Variants in RP1 observed in about 807,000 individuals in gnomAD.
RP1 encodes RP1 axonemal microtubule associated.
In RP1, 16 loss-of-function variants were observed where a neutral mutation model predicts 14.8. That is an observed-to-expected ratio of 1.08 (90% CI 0.73 to 1.65). RP1 has a LOEUF of 1.65. RP1 is among the 40% of genes most tolerant of loss of function. The pLI is 0.00. For synonymous variants in RP1, 876 were observed against 883.6 expected (o/e 0.99, Z 0.15); for missense variants, 2,631 against 2,535.0 (o/e 1.04, Z -0.81).
intron 24 of RP1, among the ~76,000 whole-genome samples, chr8:54,809,228 T>A (rs1232772670): frequency 3.3e-5 from 5 of 152,220 alleles, no homozygotes; most frequent in Non-Finnish European, 7.3e-5. Flanking sequence ...TAAAGTTTAG[T>A]TGTACATATA....
At chr8:54,682,656 T>TC (rs1807463920) in intron 12 of RP1, among the ~76,000 whole-genome samples, 1 of 152,164 alleles carries the variant, frequency 6.6e-6, no homozygotes, top group Non-Finnish European at 1.5e-5. Context: ...GGTTTTTTTT[T>TC]CTTGTAAATT....
intron 23 of RP1, chr8:54,780,883 T>C (rs1810169822): frequency 1.0e-6 from 1 of 980,608 alleles, no homozygotes; most frequent in Non-Finnish European, 1.2e-6. Context: ...ATATACTGAT[T>C]GCACGTGGTT....
intron 17 of RP1, chr8:54,726,523 T>A: frequency 6.7e-7 from 1 of 1,498,208 alleles, no homozygotes; most frequent in Non-Finnish European, 8.8e-7. Flanking sequence ...TTTGCTGCAT[T>A]ATTTCTTCCT....
chr8:54,759,372 G>A (rs1171147282), intron 22 of RP1, among the ~76,000 whole-genome samples: 1 of 152,126 alleles, frequency 6.6e-6, no homozygotes, highest in African/African-American at 2.4e-5. Context: ...GAGAATATTT[G>A]TTTAACTGTT....
intron 1 of RP1, among the ~76,000 whole-genome samples, chr8:54,601,608 A>T (rs1433829486): frequency 1.3e-5 from 2 of 151,880 alleles, no homozygotes; most frequent in East Asian, 3.8e-4. Flanking sequence ...GAAAAAAAAA[A>T]AAAAGAAAGA....
chr8:54,770,968 T>A (rs574783247), downstream of RP1, among the ~76,000 whole-genome samples: 1 of 151,996 alleles, frequency 6.6e-6, no homozygotes, highest in Non-Finnish European at 1.5e-5. Flanking sequence ...CACATCTCTA[T>A]GTTTTCAAAA....
rs1425869222 is a variant in RP1, at chr8:54,701,642, G to T, written c.1978G>T (p.Glu660Ter). Reference sequence around the variant, plus strand: ...AGCAGGCTATGCAAATCTTTCAAAAGAATTTGTGATTTTTGTCAAGGTAAA... The same window carrying T: ...AGCAGGCTATGCAAATCTTTCAAAATAATTTGTGATTTTTGTCAAGGTAAA... Residue 660 changes from glutamate to a stop codon, truncating the protein, a stop_gained, in exon 14 of 23, where the codon GAA (glutamate) becomes TAA (stop). Coordinates refer to the RP1 transcript ENST00000636932. LOFTEE classifies it high-confidence loss of function. The T allele has an allele frequency of 6.5e-7, 1 of 1,534,348 alleles. No individual in the cohort carries two copies. Among genetic ancestry groups the T allele is most frequent in the Non-Finnish European group, 8.7e-7 (1 of 1,146,260 alleles).
intron 24 of RP1, among the ~76,000 whole-genome samples, chr8:54,808,824 A>G (rs1810919422): frequency 6.6e-6 from 1 of 152,194 alleles, no homozygotes; most frequent in South Asian, 2.1e-4. Context: ...AACTCTGACT[A>G]CTATGTTACT....
At chr8:54,614,604 G>T (rs1043772787), upstream of RP1, among the ~76,000 whole-genome samples, 1 of 152,212 alleles carries the variant, frequency 6.6e-6, no homozygotes, top group Non-Finnish European at 1.5e-5. Flanking sequence ...AGCTCGACTG[G>T]ATAACAGGGA....
intron 12 of RP1, among the ~76,000 whole-genome samples, chr8:54,681,091 T>C (rs1174377858): frequency 6.6e-6 from 1 of 152,196 alleles, no homozygotes; most frequent in African/African-American, 2.4e-5. Context: ...AGATTACTTA[T>C]CCACTTAAAT....
chr8:54,844,203 C>T (rs1246480003), intron 25 of RP1, among the ~76,000 whole-genome samples: 1 of 152,138 alleles, frequency 6.6e-6, no homozygotes, highest in Non-Finnish European at 1.5e-5. Flanking sequence ...GTTGGAAGCC[C>T]GGGTGGCCCA....
At chr8:54,612,924 C>T (rs1046971611), upstream of RP1, among the ~76,000 whole-genome samples, 1 of 152,220 alleles carries the variant, frequency 6.6e-6, no homozygotes, top group East Asian at 1.9e-4. Flanking sequence ...ACCTCTACCA[C>T]TGCCACTCCT....
intron 27 of RP1, among the ~76,000 whole-genome samples, chr8:54,860,841 T>A (rs904413530): frequency 2.0e-5 from 3 of 152,182 alleles, no homozygotes; most frequent in Non-Finnish European, 2.9e-5. Context: ...AGTGCTATTG[T>A]CCATTTGACA....
intron 4 of RP1, among the ~76,000 whole-genome samples, chr8:54,649,564 G>A (rs759403154): frequency 6.6e-6 from 1 of 152,214 alleles, no homozygotes; most frequent in Non-Finnish European, 1.5e-5. Flanking sequence ...GACACATGGA[G>A]ATCAGGGTCT....
chr8:54,719,426 C>T (rs1185309072), intron 15 of RP1, among the ~76,000 whole-genome samples: 1 of 152,140 alleles, frequency 6.6e-6, no homozygotes, highest in African/African-American at 2.4e-5. Context: ...TAATTTGTAT[C>T]ACAAATAAAA....
intron 12 of RP1, among the ~76,000 whole-genome samples, chr8:54,683,606 CTTG>C (rs1807484992): frequency 6.6e-6 from 1 of 151,986 alleles, no homozygotes; most frequent in South Asian, 2.1e-4. Flanking sequence ...TCTCTGCATG[CTTG>C]TTGTTGGTGT....
At chr8:54,717,880 T>C (rs1189779584) in intron 15 of RP1, among the ~76,000 whole-genome samples, 1 of 152,092 alleles carries the variant, frequency 6.6e-6, no homozygotes, top group Non-Finnish European at 1.5e-5. Context: ...TCAGTAAGTG[T>C]TTATAGTGAG....
chr8:54,586,641 C>T (rs1804932524), intron 1 of RP1, among the ~76,000 whole-genome samples: 1 of 152,224 alleles, frequency 6.6e-6, no homozygotes, highest in South Asian at 2.1e-4. Flanking sequence ...GCTGTGGGCT[C>T]CACCCAGTCG....
intron 25 of RP1, among the ~76,000 whole-genome samples, chr8:54,840,592 C>CAAA (rs59468913): frequency 4.5e-4 from 58 of 127,478 alleles, no homozygotes; most frequent in Non-Finnish European, 8.0e-4. Context: ...TTGTTACATG[C>CAAA]AAAAAAAAAA....
Sources: gnomAD v4.1 joint callset for allele counts (sites outside exome capture counted in the v4.1 genomes callset) on GRCh38, gnomAD v4.1.1 for gene constraint, MANE v1.5 for transcripts, NCBI Gene and HGNC (gene_info 2026-07-23, HGNC 2026-07-21) for gene names.